The following PTGER3 variants were observed in gnomAD, a reference collection of about 807,000 sequenced individuals.
PTGER3 encodes the protein prostaglandin E receptor 3.
Under a neutral mutation model 34.7 loss-of-function variants are expected in PTGER3, and 22 were observed. The observed-to-expected ratio is 0.63, with a 90% CI of 0.45 to 0.91. The LOEUF (loss-of-function observed/expected upper bound fraction) is 0.91. PTGER3 is among the 40% of genes least tolerant of loss of function. PTGER3 has a pLI of 0.00. For missense variants in PTGER3, 468 were observed against 519.4 expected, an observed-to-expected ratio of 0.90 and a Z score of 0.96; for synonymous variants, 241 against 230.1, an observed-to-expected ratio of 1.05 and a Z score of -0.43.
At chr1:70,964,592 C>T (rs924952985) in intron 2 of PTGER3, among the ~76,000 whole-genome samples, 1 of 152,134 alleles carries the variant, frequency 6.6e-6, no homozygotes, top group Non-Finnish European at 1.5e-5. Flanking sequence ...AGGAAAGACC[C>T]GCCCCATGAT....
intron 1 of PTGER3, among the ~76,000 whole-genome samples, chr1:71,019,618 T>G (rs922418204): frequency 1.3e-5 from 2 of 152,244 alleles, no homozygotes; most frequent in Admixed American, 6.5e-5. Context: ...GATAACGTTC[T>G]TTTAAGTGTT....
At chr1:71,017,527 C>T (rs1055597763) in intron 1 of PTGER3, among the ~76,000 whole-genome samples, 1 of 152,116 alleles carries the variant, frequency 6.6e-6, no homozygotes, top group African/African-American at 2.4e-5. Flanking sequence ...AAATTCTAAT[C>T]CTCAGTGTTG....
chr1:70,931,752 C>G (rs190201069), intron 4 of PTGER3, among the ~76,000 whole-genome samples: 83 of 152,266 alleles, frequency 5.5e-4, no homozygotes, highest in African/African-American at 1.8e-3. Context: ...AACCCTGACC[C>G]TGGTCCACAA....
At chr1:70,859,642 A>T (rs1248691671) in intron 4 of PTGER3, among the ~76,000 whole-genome samples, 1 of 152,244 alleles carries the variant, frequency 6.6e-6, no homozygotes, top group African/African-American at 2.4e-5. Flanking sequence ...TGATTAATTC[A>T]TCAGTGAACG....
At chr1:70,904,039 T>C (rs1646894584) in intron 4 of PTGER3, among the ~76,000 whole-genome samples, 1 of 152,138 alleles carries the variant, frequency 6.6e-6, no homozygotes, top group Non-Finnish European at 1.5e-5. Context: ...TGAGGGTGGA[T>C]CTTTCCTTCA....
intron 4 of PTGER3, among the ~76,000 whole-genome samples, chr1:70,922,725 T>C (rs75600694): frequency 0.14 from 21,496 of 152,060 alleles, 1,960 homozygotes; most frequent in East Asian, 0.43. Context: ...GAAAGTAAAA[T>C]GTGTTTTTTG....
At chr1:70,932,863 G>A (rs916582979) in intron 4 of PTGER3, among the ~76,000 whole-genome samples, 1 of 151,972 alleles carries the variant, frequency 6.6e-6, no homozygotes, top group African/African-American at 2.4e-5. Context: ...TGTCTCCTCT[G>A]GAAAGACTTT....
intron 4 of PTGER3, among the ~76,000 whole-genome samples, chr1:70,902,423 A>G (rs1449419051): frequency 6.6e-6 from 1 of 152,224 alleles, no homozygotes; most frequent in African/African-American, 2.4e-5. Flanking sequence ...TATAAAGATG[A>G]ATGAGTCACT....
At chr1:70,992,701 C>G (rs189343419) in intron 2 of PTGER3, among the ~76,000 whole-genome samples, 1 of 152,174 alleles carries the variant, frequency 6.6e-6, no homozygotes, top group Non-Finnish European at 1.5e-5. Context: ...ACTTGAGCAA[C>G]CAAGGACATC....
At chr1:70,987,792 CA>C (rs1429539694) in intron 2 of PTGER3, among the ~76,000 whole-genome samples, 2 of 152,176 alleles carry the variant, frequency 1.3e-5, no homozygotes, top group African/African-American at 4.8e-5. Flanking sequence ...CAGAAGCTGT[CA>C]AGGGTCTTTT....
intron 2 of PTGER3, among the ~76,000 whole-genome samples, chr1:70,957,009 T>G (rs566996985): frequency 6.6e-6 from 1 of 152,228 alleles, no homozygotes; most frequent in East Asian, 1.9e-4. Context: ...ATAGTAACAA[T>G]AGAAGTAAAG....
Position 71,047,807 on chromosome 1 carries a change from G to C in PTGER3, c.-230C>G. 5.2e-6 allele frequency: 2 copies of C among 383,212 alleles called. No individual in the cohort carries two copies. Among genetic ancestry groups the C allele is most frequent in the Non-Finnish European group, 8.8e-6 (2 of 227,662 alleles). 23.7% of individuals were successfully genotyped at this position (383,212 alleles called of 1,614,324 possible). A position where few individuals can be genotyped will look rare whatever the true frequency, so the allele number is the denominator to read the frequency against. On this transcript the variant is annotated 5_prime_UTR_variant, in exon 1 of 4. Coordinates refer to ENST00000306666, the MANE Select transcript of PTGER3 (RefSeq NM_198719.2). ...CGCCTTCCTCTCTGGGAAACCTCTG[G>C]TGGCGAGGCGCGCGGAGGTGCCGAG... is the stretch of plus-strand genomic sequence containing the variant.
exon 5 of PTGER3, chr1:70,852,830 AG>A: frequency 6.2e-7 from 1 of 1,613,596 alleles, no homozygotes; most frequent in South Asian, 1.1e-5. Context: ...CCTGGCAGAA[AG>A]GCAGGTTTTA....
At chr1:70,937,520 G>A (rs1345946551) in intron 4 of PTGER3, among the ~76,000 whole-genome samples, 1 of 152,156 alleles carries the variant, frequency 6.6e-6, no homozygotes, top group East Asian at 1.9e-4. Flanking sequence ...AGTGGACCAA[G>A]ATGAATCCCT....
intron 4 of PTGER3, among the ~76,000 whole-genome samples, chr1:70,903,010 G>T (rs1300443996): frequency 6.6e-6 from 1 of 152,324 alleles, no homozygotes; most frequent in Non-Finnish European, 1.5e-5. Context: ...GAGATGAAAA[G>T]ATCATCTAGG....
At chr1:70,896,829 T>G (rs1224918106) in intron 4 of PTGER3, among the ~76,000 whole-genome samples, 2 of 152,150 alleles carry the variant, frequency 1.3e-5, no homozygotes, top group African/African-American at 4.8e-5. Flanking sequence ...AGACTCTCCT[T>G]GACATAGCAG....
intron 4 of PTGER3, among the ~76,000 whole-genome samples, chr1:70,891,077 C>G (rs1422836743): frequency 1.3e-5 from 2 of 152,182 alleles, no homozygotes; most frequent in African/African-American, 2.4e-5. Context: ...CTAAATCACT[C>G]ACTACCTGGC....
At chr1:70,897,737 C>T (rs981768102) in intron 4 of PTGER3, among the ~76,000 whole-genome samples, 1 of 152,134 alleles carries the variant, frequency 6.6e-6, no homozygotes, top group Admixed American at 6.5e-5. Flanking sequence ...TGGTTTCCAC[C>T]TTTACTCAGT....
chr1:70,971,275 TAATTG>T lies in PTGER3; in HGVS notation c.*450_*454del. 1 of 986,092 alleles carries T rather than the reference TAATTG, an allele frequency of 1.0e-6. No individual in the cohort carries two copies. 61.1% of individuals were successfully genotyped at this position (986,092 alleles called of 1,614,324 possible). Reference sequence around the variant, plus strand: ...ATATGTCGTTAAGTTCATATCCTATTAATTGAATTATCACTCTCAATATGTTGACT... The same window carrying T: ...ATATGTCGTTAAGTTCATATCCTATTAATTATCACTCTCAATATGTTGACT... On this transcript the variant is annotated 3_prime_UTR_variant, in exon 4 of 4. Transcript: ENST00000306666.
Sources: gnomAD v4.1 joint callset for allele counts (sites outside exome capture counted in the v4.1 genomes callset) on GRCh38, gnomAD v4.1.1 for gene constraint, MANE v1.5 for transcripts, NCBI Gene and HGNC (gene_info 2026-07-23, HGNC 2026-07-21) for gene names.